The following MRTFB variants were observed in gnomAD, a reference collection of about 807,000 sequenced individuals.
MRTFB encodes the protein myocardin-related transcription factor B.
In MRTFB, 29 loss-of-function variants were observed where a neutral mutation model predicts 104.2. The observed-to-expected ratio is 0.28, with a 90% CI of 0.21 to 0.38. The LOEUF is 0.38. Among genes scored for constraint, MRTFB ranks in the 10% least tolerant of loss-of-function variants. The pLI is 1.00. For missense variants in MRTFB, 1,270 were observed against 1,341.6 expected, an observed-to-expected ratio of 0.95 and a Z score of 0.83; for synonymous variants, 535 against 519.5, an observed-to-expected ratio of 1.03 and a Z score of -0.41.
the MRTFB span, among the ~76,000 whole-genome samples, chr16:14,046,243 T>A: frequency 8.1e-4 from 124 of 152,242 alleles, no homozygotes; most frequent in African/African-American, 2.8e-3. Context: ...GGAGGAACGC[T>A]TGAGCCCAGG....
At chr16:14,021,365 G>C in the MRTFB span, among the ~76,000 whole-genome samples, 9 of 152,268 alleles carry the variant, frequency 5.9e-5, no homozygotes, top group East Asian at 1.7e-3. Context: ...CATGTGGCTC[G>C]CTCCTACAGC....
chr16:14,133,165 G>A (rs1190708358), intron 2 of MRTFB, among the ~76,000 whole-genome samples: 1 of 152,170 alleles, frequency 6.6e-6, no homozygotes, highest in African/African-American at 2.4e-5. Context: ...GACAGTGGTG[G>A]CTTATGCCAG....
At chr16:14,034,557 T>A in the MRTFB span, among the ~76,000 whole-genome samples, 3 of 144,290 alleles carry the variant, frequency 2.1e-5, no homozygotes, top group African/African-American at 7.8e-5. Flanking sequence ...GAGGTTGCAG[T>A]GAGTGGAGAT....
chr16:14,184,152 G>A (rs192336173), intron 3 of MRTFB, among the ~76,000 whole-genome samples: 72 of 149,788 alleles, frequency 4.8e-4, no homozygotes, highest in African/African-American at 1.5e-3. Flanking sequence ...TGTAGGCCCC[G>A]GAGCCAAGCT....
At chr16:14,075,667 C>T (rs1185101411) in intron 1 of MRTFB, among the ~76,000 whole-genome samples, 1 of 152,222 alleles carries the variant, frequency 6.6e-6, no homozygotes, top group Non-Finnish European at 1.5e-5. Context: ...AGCTCCTTCT[C>T]TTCTCACCTT....
intron 15 of MRTFB, among the ~76,000 whole-genome samples, chr16:14,255,878 C>T (rs1388654415): frequency 6.6e-5 from 10 of 151,494 alleles, no homozygotes; most frequent in Non-Finnish European, 1.0e-4. Flanking sequence ...CCTTGGGAGG[C>T]GAAGTGGGAG....
intron 16 of MRTFB, among the ~76,000 whole-genome samples, chr16:14,259,061 A>C (rs1046605307): frequency 1.2e-4 from 13 of 108,952 alleles, no homozygotes; most frequent in African/African-American, 4.7e-4. Flanking sequence ...GTTGACGTTG[A>C]CATAGAGAAT....
the MRTFB span, among the ~76,000 whole-genome samples, chr16:14,032,131 T>A: frequency 1.3e-5 from 2 of 152,192 alleles, no homozygotes; most frequent in Admixed American, 1.3e-4. Flanking sequence ...TTGAAAAGGC[T>A]ACAGACTAGG....
At chr16:14,090,351 C>T (rs1410791524) in intron 2 of MRTFB, among the ~76,000 whole-genome samples, 2 of 152,178 alleles carry the variant, frequency 1.3e-5, no homozygotes, top group Non-Finnish European at 2.9e-5. Flanking sequence ...ATCTCCTAAC[C>T]TTACACCCAA....
chr16:14,000,111 A>G, the MRTFB span, among the ~76,000 whole-genome samples: 1 of 152,148 alleles, frequency 6.6e-6, no homozygotes, highest in Non-Finnish European at 1.5e-5. Context: ...AGAGACAGAG[A>G]GAGAGAGAGG....
rs756035278 is a variant in MRTFB, at chr16:14,246,847, T to G, written c.1587T>G (p.Ile529Met). Residue 529 changes from isoleucine to methionine, a missense_variant, in exon 12 of 17, where the codon ATT becomes ATG. Transcript: ENST00000571589. ...ACATGGCAGACACTTTCACCGAGAT[T>G]ATGACCATGATGTCGCCTTCACAGT... ...DTNMADTFTE[I>M]MTMMSPSQFL... 25 of 1,612,694 alleles carry G rather than the reference T, an allele frequency of 1.6e-5. No homozygotes were observed. The highest frequency in any genetic ancestry group is 3.3e-4 in the Middle Eastern group (2 of 6,084).
chr16:14,052,546 C>T, the MRTFB span, among the ~76,000 whole-genome samples: 6 of 152,022 alleles, frequency 3.9e-5, no homozygotes, highest in South Asian at 2.1e-4. Flanking sequence ...TGAGACCAAC[C>T]TGACCAACAT....
intron 3 of MRTFB, among the ~76,000 whole-genome samples, chr16:14,147,860 A>G (rs1283334181): frequency 6.6e-6 from 1 of 152,240 alleles, no homozygotes; most frequent in Non-Finnish European, 1.5e-5. Context: ...CACATTTATT[A>G]ACAGTAAGAT....
At chr16:14,118,492 T>A (rs76262592) in intron 2 of MRTFB, among the ~76,000 whole-genome samples, 11,100 of 151,670 alleles carry the variant, frequency 0.073, 753 homozygotes, top group African/African-American at 0.18. Context: ...TGTGTGTTTG[T>A]ATCTCCCATG....
At chr16:14,062,980 G>T in the MRTFB span, among the ~76,000 whole-genome samples, 1 of 152,318 alleles carries the variant, frequency 6.6e-6, no homozygotes, top group South Asian at 2.1e-4. Context: ...TGACAGGGCC[G>T]ACATCATACG....
the MRTFB span, among the ~76,000 whole-genome samples, chr16:14,043,861 TTGC>T: frequency 6.6e-6 from 1 of 152,192 alleles, no homozygotes; most frequent in Non-Finnish European, 1.5e-5. Context: ...AGACGTAATC[TTGC>T]CTCTAAGAAC....
At chr16:14,115,623 A>G (rs968821511) in intron 2 of MRTFB, among the ~76,000 whole-genome samples, 4 of 152,198 alleles carry the variant, frequency 2.6e-5, no homozygotes, top group Non-Finnish European at 5.9e-5. Context: ...GTGAAGTTTG[A>G]GGCAGTACCC....
intron 3 of MRTFB, among the ~76,000 whole-genome samples, chr16:14,203,831 T>G (rs1035616814): frequency 2.7e-5 from 4 of 148,682 alleles, no homozygotes; most frequent in Non-Finnish European, 5.9e-5. Flanking sequence ...AAAAAAAAAT[T>G]TCAACATTCT....
the MRTFB span, among the ~76,000 whole-genome samples, chr16:13,998,194 G>A: frequency 6.6e-6 from 1 of 152,142 alleles, no homozygotes; most frequent in Admixed American, 6.6e-5. Context: ...TGTAGAGTGC[G>A]AATTTTATTT....
Sources: allele counts gnomAD v4.1 joint callset (sites outside exome capture counted in the v4.1 genomes callset), GRCh38; gene constraint gnomAD v4.1.1; transcripts MANE v1.5; gene names NCBI Gene and HGNC (gene_info 2026-07-23, HGNC 2026-07-21).